GRIA4: variants seen among roughly 807,000 people sequenced by gnomAD.
GRIA4 encodes the protein glutamate receptor 4.
GRIA4 carries 34 observed loss-of-function variants against 104.0 expected under a neutral mutation model. The ratio of observed to expected loss-of-function variants is 0.33; its 90% CI spans 0.25 to 0.44. The LOEUF is 0.44. Among genes scored for constraint, GRIA4 ranks in the 20% least tolerant of loss-of-function variants. The pLI is 1.00. For synonymous variants in GRIA4, 386 were observed against 381.9 expected, an observed-to-expected ratio of 1.01 and a Z score of -0.13; for missense variants, 750 against 1,096.5, an observed-to-expected ratio of 0.68 and a Z score of 4.46.
chr11:105,669,752 T>A (rs1016451887), intron 3 of GRIA4, among the ~76,000 whole-genome samples: 4 of 152,160 alleles, frequency 2.6e-5, no homozygotes, highest in African/African-American at 9.6e-5. Flanking sequence ...ATTTTGTGAA[T>A]AAATAAACAC....
chr11:105,976,845 T>C (rs1859006932), intron 16 of GRIA4, among the ~76,000 whole-genome samples: 1 of 151,920 alleles, frequency 6.6e-6, no homozygotes, highest in Non-Finnish European at 1.5e-5. Flanking sequence ...CACATCAAGA[T>C]GAATAGAAAT....
At chr11:105,885,333 T>C (rs991515174) in intron 5 of GRIA4, among the ~76,000 whole-genome samples, 2 of 152,214 alleles carry the variant, frequency 1.3e-5, no homozygotes, top group South Asian at 4.1e-4. Context: ...CAATCCCATC[T>C]ATTTGTTGCT....
rs1444902126 is a variant in GRIA4 at position 105,924,352 on chromosome 11, A to ATTAACC, written c.1477-46_1477-45insTAACCT. ...GGATCATTCCAGTGCTAATTGCTTC[A>ATTAACC]TGAAATTCATTAACCTATGTGTCTC... On this transcript the variant is annotated intron_variant, in intron 11 of 16. Transcript: ENST00000282499. The ATTAACC allele has an allele frequency of 2.1e-6, 3 of 1,438,204 alleles. No individual in the cohort carries two copies. The East Asian group carries it at 6.9e-5, about 33-fold the overall frequency. 89.1% of individuals were successfully genotyped at this position (1,438,204 alleles called of 1,614,324 possible).
chr11:105,911,391 T>C lies in GRIA4; in HGVS notation c.1269+846T>C, dbSNP rs891293170. 6.6e-5 allele frequency among the ~76,000 whole-genome samples: 10 copies of C among 152,050 alleles called. No individual in the cohort carries two copies. In the East Asian group the frequency reaches 1.2e-3, roughly 18 times the overall value. ...AAGAGATCAACAATCGGTGACCTTT[T>C]CTATCTCATTTAAAGTTATATATAC... On this transcript the variant is annotated intron_variant, in intron 10 of 16. Coordinates refer to ENST00000282499, the MANE Select transcript of GRIA4 (RefSeq NM_000829.4).
chr11:105,744,124 CCT>C (rs768303321), intron 3 of GRIA4, among the ~76,000 whole-genome samples: 3 of 152,180 alleles, frequency 2.0e-5, no homozygotes, highest in Non-Finnish European at 4.4e-5. Context: ...CTCCCAATTC[CCT>C]CTGACTGTTC....
At chr11:105,918,958 C>A in intron 11 of GRIA4, 40 bp downstream of exon 11, 1 of 1,165,594 alleles carries the variant, frequency 8.6e-7, no homozygotes, top group Non-Finnish European at 1.3e-6. Flanking sequence ...CTTACATACA[C>A]CTGAAACTTC....
At chr11:105,618,674 T>C (rs893785797) in intron 3 of GRIA4, among the ~76,000 whole-genome samples, 9 of 151,906 alleles carry the variant, frequency 5.9e-5, no homozygotes, top group African/African-American at 2.2e-4. Flanking sequence ...GGCTGTGCAA[T>C]AGAGATTTGG....
chr11:105,882,789 AG>A (rs1490114230), intron 5 of GRIA4, among the ~76,000 whole-genome samples: 1 of 152,188 alleles, frequency 6.6e-6, no homozygotes, highest in Non-Finnish European at 1.5e-5. Flanking sequence ...TCGTATAGGT[AG>A]GAAGTACTCC....
At chr11:105,645,676 T>C (rs1951505998) in intron 3 of GRIA4, among the ~76,000 whole-genome samples, 1 of 152,088 alleles carries the variant, frequency 6.6e-6, no homozygotes, top group African/African-American at 2.4e-5. Context: ...CATTTTTAAG[T>C]CAATGAATAA....
intron 3 of GRIA4, among the ~76,000 whole-genome samples, chr11:105,689,249 G>C (rs1035436407): frequency 6.6e-6 from 1 of 152,174 alleles, no homozygotes; most frequent in Non-Finnish European, 1.5e-5. Flanking sequence ...AAAAGGGAAA[G>C]TGTATTAGAG....
At chr11:105,701,624 A>G (rs2028818) in intron 3 of GRIA4, among the ~76,000 whole-genome samples, 150,092 of 152,252 alleles carry the variant, frequency 0.99, 74,021 homozygotes, top group Middle Eastern at 1. Context: ...CAGGAGGTGT[A>G]AGGCAAACAC....
intron 4 of GRIA4, among the ~76,000 whole-genome samples, chr11:105,777,921 C>T (rs1941523849): frequency 6.6e-6 from 1 of 152,190 alleles, no homozygotes; most frequent in Non-Finnish European, 1.5e-5. Flanking sequence ...AGATCGAGAA[C>T]TGAATGAAGA....
chr11:105,916,020 C>T (rs954559028), intron 10 of GRIA4, among the ~76,000 whole-genome samples: 1 of 152,026 alleles, frequency 6.6e-6, no homozygotes, highest in Non-Finnish European at 1.5e-5. Flanking sequence ...CCCATCACTA[C>T]TAAAAATACA....
intron 3 of GRIA4, among the ~76,000 whole-genome samples, chr11:105,742,285 T>C (rs1007075180): frequency 6.6e-6 from 1 of 152,160 alleles, no homozygotes; most frequent in Non-Finnish European, 1.5e-5. Flanking sequence ...AGTGCAACTA[T>C]AGAGCTTTAA....
rs566217501 is a variant in GRIA4, at chr11:105,907,630, T to C, written c.1158+2329T>C. On this transcript the variant is annotated intron_variant, in intron 9 of 16. Coordinates refer to ENST00000282499, the MANE Select transcript of GRIA4 (RefSeq NM_000829.4). ...CAGCAGAATCTTCTTATCACTCCAGTGACCCCCATCCAGGGCTCCAGAGGG... is the reference window on the plus strand; with the variant it reads ...CAGCAGAATCTTCTTATCACTCCAGCGACCCCCATCCAGGGCTCCAGAGGG... Among the ~76,000 whole-genome samples, 6 of 152,278 alleles carry C rather than the reference T, an allele frequency of 3.9e-5. No homozygotes were observed. The South Asian group carries it at 1.0e-3, about 26-fold the overall frequency.
chr11:105,857,680 CCAG>C, intron 4 of GRIA4, among the ~76,000 whole-genome samples: 1 of 152,236 alleles, frequency 6.6e-6, no homozygotes, highest in East Asian at 1.9e-4. Context: ...TCTTCTATAT[CCAG>C]CATTCCATTA....
chr11:105,978,263 G>A (rs574590544), intron 16 of GRIA4, among the ~76,000 whole-genome samples: 56 of 152,138 alleles, frequency 3.7e-4, no homozygotes, highest in African/African-American at 1.3e-3. Context: ...ACTAATAGAA[G>A]ATAATCAAGT....
At chr11:105,807,066 A>T (rs1480188378) in intron 4 of GRIA4, among the ~76,000 whole-genome samples, 1 of 151,750 alleles carries the variant, frequency 6.6e-6, no homozygotes. Context: ...CATAGACTCT[A>T]AGGATAAGAA....
intron 4 of GRIA4, chr11:105,797,836 C>A (rs780722118): frequency 2.2e-6 from 1 of 455,458 alleles, no homozygotes; most frequent in Middle Eastern, 3.5e-4. Flanking sequence ...AACTGCTTGC[C>A]TTTTAGGGCC....
Sources: gnomAD v4.1 joint callset for allele counts (sites outside exome capture counted in the v4.1 genomes callset) on GRCh38, gnomAD v4.1.1 for gene constraint, MANE v1.5 for transcripts, NCBI Gene and HGNC (gene_info 2026-07-23, HGNC 2026-07-21) for gene names.